Variants in TEKT3 observed in about 807,000 individuals in gnomAD.
The protein encoded by TEKT3 is tektin-3.
A neutral mutation model predicts 49.8 loss-of-function variants in TEKT3; 49 were observed. The ratio of observed to expected loss-of-function variants is 0.98; its 90% CI spans 0.78 to 1.25. The LOEUF (loss-of-function observed/expected upper bound fraction) is 1.25. Ranked by LOEUF, TEKT3 falls within the 50% of genes most tolerant of loss-of-function variation. TEKT3 has a pLI of 0.00. For missense variants in TEKT3, 595 were observed against 629.5 expected, an observed-to-expected ratio of 0.95 and a Z score of 0.59; for synonymous variants, 225 against 237.2, an observed-to-expected ratio of 0.95 and a Z score of 0.47.
At position 15,303,907 on chromosome 17, in the gene TEKT3, G is replaced by A. The variant is rs1910419719; in HGVS notation, c.*29C>T. 5 of 1,603,728 alleles carry A rather than the reference G, an allele frequency of 3.1e-6. No homozygotes were observed. The East Asian group carries it at 1.1e-4, about 36-fold the overall frequency. On this transcript the variant is annotated 3_prime_UTR_variant, in exon 9 of 9. Transcript: ENST00000395930. ...GTGCTCTGGCTCAGCCTTAACTTAG[G>A]GGTATCAAAACCACACCCGGTGGGG...
Position 15,314,161 on chromosome 17 carries a change from G to T in TEKT3, c.804C>A (p.Asp268Glu), listed in dbSNP as rs149266687. 1.9e-6 allele frequency: 3 copies of T among 1,614,206 alleles called. No homozygotes were observed. Among genetic ancestry groups the T allele is most frequent in the Non-Finnish European group, 2.5e-6 (3 of 1,180,044 alleles). Residue 268 changes from aspartate to glutamate, a missense_variant, in exon 6 of 9, where the codon GAC becomes GAA. Asp to Glu is a conservative substitution (Grantham distance 45, BLOSUM62 2). Coordinates refer to ENST00000395930, the MANE Select transcript of TEKT3 (RefSeq NM_031898.3). Reference sequence around the variant, plus strand: ...TGTTGCGCAGGTGGTGGCATTTGTCGTCGATCCGGTAAGCCGTCTGTTTGT... The same window carrying T: ...TGTTGCGCAGGTGGTGGCATTTGTCTTCGATCCGGTAAGCCGTCTGTTTGT... ...LSDKQTAYRI[D>E]DKCHHLRNTS...
intron 5 of TEKT3, among the ~76,000 whole-genome samples, chr17:15,316,211 A>C (rs1185733671): frequency 2.6e-5 from 4 of 152,222 alleles, no homozygotes; most frequent in African/African-American, 9.6e-5. Context: ...TCTGGGACCA[A>C]GATGTCCCAC....
chr17:15,337,698 C>T (rs868480195), intron 2 of TEKT3, among the ~76,000 whole-genome samples: 3 of 151,922 alleles, frequency 2.0e-5, no homozygotes, highest in Admixed American at 6.6e-5. Context: ...AAAAATTAGC[C>T]GGGCATGGTG....
intron 4 of TEKT3, among the ~76,000 whole-genome samples, chr17:15,321,276 T>A (rs1911245741): frequency 6.6e-6 from 1 of 152,106 alleles, no homozygotes; most frequent in African/African-American, 2.4e-5. Context: ...CCCAAAGTGC[T>A]GAGATTACAG....
rs148263349 is a variant in TEKT3, at chr17:15,331,540, T to G, written c.46A>C (p.Arg16=). 1.1e-4 allele frequency: 177 copies of G among 1,614,036 alleles called. No individual in the cohort carries two copies. The African/African-American group carries it at 2.2e-3, about 20-fold the overall frequency. ...GGTAGAAAGTTGGTTGGTGTTGGTC[T>G]AGGGTGGGCGTAAGTTGTCGTTAAA... ...CTLTTTYAHP[R]PTPTNFLPAI... is the part of the protein sequence containing the mutation. The change falls in exon 3 of 9, where the codon AGA becomes CGA. Residue 16 remains arginine, a synonymous_variant. Transcript: ENST00000395930.
At chr17:15,327,819 T>C (rs565586690) in intron 4 of TEKT3, 173 bp downstream of exon 4, 53 of 478,892 alleles carry the variant, frequency 1.1e-4, no homozygotes, top group Non-Finnish European at 3.3e-5. Flanking sequence ...CATATTCTCA[T>C]TGAATATATG....
intron 4 of TEKT3, 196 bp downstream of exon 4, chr17:15,327,796 T>C: frequency 6.6e-6 from 3 of 453,814 alleles, no homozygotes; most frequent in Admixed American, 3.7e-5. Flanking sequence ...CTTTATTTAC[T>C]CGTTTGCATT....
intron 1 of TEKT3, among the ~76,000 whole-genome samples, chr17:15,341,101 C>T (rs1912211299): frequency 6.6e-6 from 1 of 152,160 alleles, no homozygotes; most frequent in Non-Finnish European, 1.5e-5. Context: ...ACTCTCCTCC[C>T]CGTGGCTGCA....
At chr17:15,320,901 G>A (rs938285629) in intron 4 of TEKT3, among the ~76,000 whole-genome samples, 1 of 151,720 alleles carries the variant, frequency 6.6e-6, no homozygotes, top group Non-Finnish European at 1.5e-5. Context: ...CCCAAATTGT[G>A]TTTTTATCCC....
intron 2 of TEKT3, among the ~76,000 whole-genome samples, chr17:15,336,283 A>T (rs1397901451): frequency 6.6e-6 from 1 of 152,226 alleles, no homozygotes; most frequent in Non-Finnish European, 1.5e-5. Flanking sequence ...AATTATTGTC[A>T]GAAACTACCC....
At chr17:15,320,121 C>G (rs1281926457) in intron 4 of TEKT3, among the ~76,000 whole-genome samples, 1 of 152,158 alleles carries the variant, frequency 6.6e-6, no homozygotes, top group Non-Finnish European at 1.5e-5. Context: ...GTTTTCTTGT[C>G]TTGCCCAGCA....
intron 7 of TEKT3, among the ~76,000 whole-genome samples, chr17:15,311,787 C>T (rs1352661394): frequency 1.3e-5 from 2 of 152,176 alleles, no homozygotes; most frequent in African/African-American, 4.8e-5. Context: ...ATTTTGTAGT[C>T]ATTGTAAAAC....
rs748334806 is a variant in TEKT3 at position 15,303,934 on chromosome 17, C to A, written c.*2G>T. Reference sequence around the variant, plus strand: ...GTATCAAAACCACACCCGGTGGGGTCCCTAGCAGAAGCCGACCAGCCGGAG... The same window carrying A: ...GTATCAAAACCACACCCGGTGGGGTACCTAGCAGAAGCCGACCAGCCGGAG... On this transcript the variant is annotated 3_prime_UTR_variant, in exon 9 of 9. Coordinates refer to ENST00000395930, the MANE Select transcript of TEKT3 (RefSeq NM_031898.3). 1.9e-6 allele frequency: 3 copies of A among 1,613,682 alleles called. No individual in the cohort carries two copies. Among genetic ancestry groups the A allele is most frequent in the South Asian group, 1.1e-5 (1 of 91,024 alleles).
At chr17:15,336,103 TAC>T (rs58983355) in intron 2 of TEKT3, among the ~76,000 whole-genome samples, 54,767 of 148,606 alleles carry the variant, frequency 0.37, 11,377 homozygotes, top group African/African-American at 0.57. Flanking sequence ...ACTCCAAGAA[TAC>T]ACACACACAC....
chr17:15,321,072 C>T (rs952125562), intron 4 of TEKT3, among the ~76,000 whole-genome samples: 2 of 150,842 alleles, frequency 1.3e-5, no homozygotes, highest in African/African-American at 2.5e-5. Flanking sequence ...TGCAGTGGCG[C>T]GATCTCGGCT....
intron 4 of TEKT3, among the ~76,000 whole-genome samples, chr17:15,326,996 T>G (rs1911519680): frequency 6.6e-6 from 1 of 152,160 alleles, no homozygotes; most frequent in Non-Finnish European, 1.5e-5. Context: ...ATAGAACCTT[T>G]GGCACAACAA....
chr17:15,307,501 G>A (rs569540320), intron 8 of TEKT3, among the ~76,000 whole-genome samples: 3 of 152,350 alleles, frequency 2.0e-5, no homozygotes, highest in Non-Finnish European at 4.4e-5. Flanking sequence ...CAGGTTAAGA[G>A]ATGGTAGCAG....
chr17:15,339,825 A>G (rs1297080542), intron 2 of TEKT3, among the ~76,000 whole-genome samples: 1 of 152,166 alleles, frequency 6.6e-6, no homozygotes, highest in Non-Finnish European at 1.5e-5. Flanking sequence ...CAATACACTA[A>G]CAAATACCAG....
At position 15,312,366 on chromosome 17, in the gene TEKT3, T is replaced by C; in HGVS notation, c.994A>G (p.Thr332Ala). The C allele has an allele frequency of 6.2e-7, 1 of 1,614,230 alleles. No homozygotes were observed. Among genetic ancestry groups the C allele is most frequent in the Non-Finnish European group, 8.5e-7 (1 of 1,180,042 alleles). ...AATTGATTCCACATCTCATTGGCAG[T>C]CACAACCAAGAGGTTTTCAATGTCG... is the stretch of plus-strand genomic sequence containing the variant. ...RDDIENLLVVTANEMWNQFNK... is the reference protein window; with the variant it reads ...RDDIENLLVVAANEMWNQFNK... The change falls in exon 7 of 9, where the codon ACT (threonine) becomes GCT (alanine). Residue 332 changes from threonine to alanine, a missense_variant. Coordinates refer to ENST00000395930, the MANE Select transcript of TEKT3 (RefSeq NM_031898.3).
Sources: allele counts gnomAD v4.1 joint callset (sites outside exome capture counted in the v4.1 genomes callset), GRCh38; gene constraint gnomAD v4.1.1; transcripts MANE v1.5; gene names NCBI Gene and HGNC (gene_info 2026-07-23, HGNC 2026-07-21).